The following ZNF804A variants were observed in gnomAD, a reference collection of about 807,000 sequenced individuals.
The protein encoded by ZNF804A is zinc finger protein 804A.
A neutral mutation model predicts 16.5 loss-of-function variants in ZNF804A; 2 were observed. That is an observed-to-expected ratio of 0.12 (90% CI 0.05 to 0.38). ZNF804A has a LOEUF of 0.38. Among genes scored for constraint, ZNF804A ranks in the 10% least tolerant of loss-of-function variants. ZNF804A has a pLI of 0.99. For synonymous variants in ZNF804A, 534 were observed against 489.6 expected, an observed-to-expected ratio of 1.09 and a Z score of -1.20; for missense variants, 1,473 against 1,390.7, an observed-to-expected ratio of 1.06 and a Z score of -0.94.
At chr2:184,685,803 AG>A in intron 1 of ZNF804A, among the ~76,000 whole-genome samples, 2 of 152,288 alleles carry the variant, frequency 1.3e-5, no homozygotes, top group South Asian at 4.1e-4. Context: ...CATGGCTTAA[AG>A]GTGGTTTCAC....
intron 1 of ZNF804A, among the ~76,000 whole-genome samples, chr2:184,698,146 C>T (rs1692863175): frequency 6.6e-6 from 1 of 151,988 alleles, no homozygotes; most frequent in Admixed American, 6.5e-5. Flanking sequence ...TGGGGACTGG[C>T]ACCTAAGTCT....
intron 1 of ZNF804A, among the ~76,000 whole-genome samples, chr2:184,812,133 T>A (rs1694911221): frequency 6.6e-6 from 1 of 152,218 alleles, no homozygotes; most frequent in East Asian, 1.9e-4. Context: ...TTTCCTATAT[T>A]AACTTTCTTG....
At chr2:184,635,274 G>C (rs187963076) in intron 1 of ZNF804A, among the ~76,000 whole-genome samples, 108 of 152,166 alleles carry the variant, frequency 7.1e-4, no homozygotes, top group African/African-American at 2.3e-3. Flanking sequence ...ACACCATAAA[G>C]GATTTCCTAT....
At chr2:184,886,140 A>G (rs1574256647) in intron 2 of ZNF804A, among the ~76,000 whole-genome samples, 1 of 152,232 alleles carries the variant, frequency 6.6e-6, no homozygotes, top group Non-Finnish European at 1.5e-5. Context: ...GGGTAAATAC[A>G]GCCATTCCAA....
At chr2:184,640,260 G>C (rs1001164492) in intron 1 of ZNF804A, among the ~76,000 whole-genome samples, 7 of 151,652 alleles carry the variant, frequency 4.6e-5, no homozygotes, top group Admixed American at 1.3e-4. Flanking sequence ...AGGAGAAGAA[G>C]AAGAAAGGAG....
At chr2:184,849,746 T>C (rs749284047) in intron 1 of ZNF804A, among the ~76,000 whole-genome samples, 1 of 151,726 alleles carries the variant, frequency 6.6e-6, no homozygotes, top group Non-Finnish European at 1.5e-5. Context: ...AATTAGTATA[T>C]TGAGGAGATA....
chr2:184,781,293 T>G (rs10497658), intron 1 of ZNF804A, among the ~76,000 whole-genome samples: 3,963 of 151,848 alleles, frequency 0.026, 86 homozygotes, highest in Non-Finnish European at 0.04. Context: ...TATTTTCTCC[T>G]AGGTACAATG....
At chr2:184,827,330 C>G (rs528366568) in intron 1 of ZNF804A, among the ~76,000 whole-genome samples, 1 of 149,986 alleles carries the variant, frequency 6.7e-6, no homozygotes, top group Non-Finnish European at 1.5e-5. Context: ...CCCCCACACA[C>G]TCACTTCAAA....
At position 184,858,034 on chromosome 2, in the gene ZNF804A, T is replaced by C. The variant is rs114290737; in HGVS notation, c.112-8335T>C. 4.2e-3 allele frequency among the ~76,000 whole-genome samples: 637 copies of C among 152,218 alleles called. 5 individuals carry two copies. The highest frequency in any genetic ancestry group is 0.015 in the African/African-American group (605 of 41,530). ...GTTATTTTGTAGATCTTTTGTTTCT[T>C]TCTTCTACTCTCGATGCCTTCCCTT... On this transcript the variant is annotated intron_variant, in intron 1 of 3. Transcript: ENST00000302277.
At chr2:184,851,913 C>A (rs1040324423) in intron 1 of ZNF804A, among the ~76,000 whole-genome samples, 5 of 151,566 alleles carry the variant, frequency 3.3e-5, no homozygotes, top group Non-Finnish European at 5.9e-5. Flanking sequence ...CGTGGTTTTA[C>A]TTTGCATTTC....
intron 1 of ZNF804A, among the ~76,000 whole-genome samples, chr2:184,723,154 AT>A: frequency 6.6e-6 from 1 of 152,022 alleles, no homozygotes; most frequent in Non-Finnish European, 1.5e-5. Context: ...ACATACACAC[AT>A]TACAGTATAT....
chr2:184,761,795 A>G (rs1039115989), intron 1 of ZNF804A, among the ~76,000 whole-genome samples: 1 of 152,132 alleles, frequency 6.6e-6, no homozygotes, highest in Admixed American at 6.6e-5. Flanking sequence ...AATTGTTTGA[A>G]GGTGTTAAGA....
chr2:184,652,879 C>T (rs895786508), intron 1 of ZNF804A, among the ~76,000 whole-genome samples: 3 of 152,102 alleles, frequency 2.0e-5, no homozygotes, highest in Admixed American at 6.6e-5. Flanking sequence ...AGGGGCTTCC[C>T]TCTTTGCTAG....
intron 1 of ZNF804A, among the ~76,000 whole-genome samples, chr2:184,663,670 G>A (rs1692214898): frequency 6.6e-6 from 1 of 152,078 alleles, no homozygotes; most frequent in Admixed American, 6.5e-5. Flanking sequence ...TGGGAATTTA[G>A]GGTGCCTTTG....
chr2:184,849,323 G>A (rs555868364), intron 1 of ZNF804A, among the ~76,000 whole-genome samples: 2 of 152,114 alleles, frequency 1.3e-5, no homozygotes, highest in Admixed American at 1.3e-4. Flanking sequence ...CATAGGCTGA[G>A]GCATAACGCA....
intron 1 of ZNF804A, among the ~76,000 whole-genome samples, chr2:184,705,920 A>T (rs1019839491): frequency 1.3e-5 from 2 of 152,108 alleles, no homozygotes; most frequent in Non-Finnish European, 2.9e-5. Context: ...ACCTTTTTTT[A>T]TGAGCCATGG....
At chr2:184,743,768 A>G (rs985615881) in intron 1 of ZNF804A, among the ~76,000 whole-genome samples, 2 of 151,940 alleles carry the variant, frequency 1.3e-5, no homozygotes, top group South Asian at 2.1e-4. Flanking sequence ...ATATATCTAT[A>G]CTTAGTTTAT....
At chr2:184,662,565 A>G (rs1692191139) in intron 1 of ZNF804A, among the ~76,000 whole-genome samples, 1 of 152,188 alleles carries the variant, frequency 6.6e-6, no homozygotes, top group South Asian at 2.1e-4. Flanking sequence ...TTATCTTACT[A>G]TCTTTTTAAT....
At chr2:184,791,275 A>G (rs986274035) in intron 1 of ZNF804A, among the ~76,000 whole-genome samples, 2 of 151,950 alleles carry the variant, frequency 1.3e-5, no homozygotes, top group African/African-American at 4.8e-5. Context: ...TGAGCTTTGT[A>G]TTTCTATTTC....
Sources: allele counts gnomAD v4.1 joint callset (sites outside exome capture counted in the v4.1 genomes callset), GRCh38; gene constraint gnomAD v4.1.1; transcripts MANE v1.5; gene names NCBI Gene and HGNC (gene_info 2026-07-23, HGNC 2026-07-21).